ITPR2: variants seen among roughly 807,000 people sequenced by gnomAD.
ITPR2 encodes the protein inositol 1,4,5-trisphosphate receptor type 2.
Under a neutral mutation model 317.1 loss-of-function variants are expected in ITPR2, and 207 were observed. The ratio of observed to expected loss-of-function variants is 0.65; its 90% confidence interval spans 0.58 to 0.73. The LOEUF is 0.73. Among genes scored for constraint, ITPR2 ranks in the 30% least tolerant of loss-of-function variants. The pLI is 0.00. For synonymous variants in ITPR2, 1,156 were observed against 1,149.1 expected (o/e 1.01, Z -0.12); for missense variants, 2,613 against 3,284.0 (o/e 0.80, Z 4.99).
At chr12:26,462,619 C>A (rs1942064181) in intron 45 of ITPR2, among the ~76,000 whole-genome samples, 1 of 151,672 alleles carries the variant, frequency 6.6e-6, no homozygotes. Flanking sequence ...CTAGCTCATA[C>A]TTCCTCAACA....
Position 26,504,437 on chromosome 12 carries a change from C to G in ITPR2, c.5074-9177G>C, listed in dbSNP as rs374261032. Reference sequence around the variant, plus strand: ...AATCATTAAGAATCTTGTAGAAAAGCTGACAGAAGAACTGAACTGGCATTT... The same window carrying G: ...AATCATTAAGAATCTTGTAGAAAAGGTGACAGAAGAACTGAACTGGCATTT... On this transcript the variant is annotated intron_variant, in intron 37 of 56. Transcript: ENST00000381340. Among the ~76,000 whole-genome samples the G allele has an allele frequency of 5.9e-5, 9 of 152,082 alleles. 1 individual carries two copies. Among genetic ancestry groups the G allele is most frequent in the African/African-American group, 2.2e-4 (9 of 41,504 alleles).
chr12:26,527,633 A>G (rs1160720411), intron 37 of ITPR2, among the ~76,000 whole-genome samples: 3 of 152,230 alleles, frequency 2.0e-5, no homozygotes, highest in Non-Finnish European at 4.4e-5. Context: ...GGAGTAATGC[A>G]TAGTTTAGTG....
intron 52 of ITPR2, among the ~76,000 whole-genome samples, chr12:26,402,279 A>T (rs1002972054): frequency 1.3e-5 from 2 of 152,218 alleles, no homozygotes; most frequent in Non-Finnish European, 2.9e-5. Flanking sequence ...GGTCATGTGG[A>T]GCATGTCTAC....
At chr12:26,611,205 TACACA>T in intron 26 of ITPR2, among the ~76,000 whole-genome samples, 1 of 152,286 alleles carries the variant, frequency 6.6e-6, no homozygotes, top group Non-Finnish European at 1.5e-5. Flanking sequence ...CCAAAATCAG[TACACA>T]GCCCCTTGGA....
intron 10 of ITPR2, among the ~76,000 whole-genome samples, chr12:26,686,951 G>T (rs995362523): frequency 6.6e-6 from 1 of 152,076 alleles, no homozygotes; most frequent in Non-Finnish European, 1.5e-5. Context: ...CCATTCCACA[G>T]TTAAAACAAA....
intron 15 of ITPR2, among the ~76,000 whole-genome samples, chr12:26,659,917 C>CTT (rs1038512222): frequency 2.6e-5 from 4 of 152,172 alleles, no homozygotes; most frequent in African/African-American, 9.7e-5. Flanking sequence ...ATGTCATATA[C>CTT]TTTTTATCTT....
intron 37 of ITPR2, among the ~76,000 whole-genome samples, chr12:26,496,373 T>C (rs574047225): frequency 2.4e-4 from 37 of 152,336 alleles, no homozygotes; most frequent in African/African-American, 8.4e-4. Flanking sequence ...CACTTTCTCA[T>C]ATTTTGGCTA....
At chr12:26,816,551 C>A (rs12228214) in intron 1 of ITPR2, among the ~76,000 whole-genome samples, 1 of 152,166 alleles carries the variant, frequency 6.6e-6, no homozygotes, top group Non-Finnish European at 1.5e-5. Context: ...TGACAGACAT[C>A]GTGAAAGACC....
chr12:26,819,942 G>A (rs1325853775), intron 1 of ITPR2, among the ~76,000 whole-genome samples: 9 of 152,054 alleles, frequency 5.9e-5, no homozygotes, highest in South Asian at 2.1e-4. Context: ...ATGGTGGCAC[G>A]AGCCTGTAGT....
At chr12:26,504,609 G>A (rs1240419511) in intron 37 of ITPR2, among the ~76,000 whole-genome samples, 1 of 152,150 alleles carries the variant, frequency 6.6e-6, no homozygotes, top group African/African-American at 2.4e-5. Context: ...ATCAAGTGTT[G>A]AAGAGGACAT....
rs78520388 is a variant in ITPR2 at position 26,465,384 on chromosome 12, G to T, written c.6342+9912C>A. Among the ~76,000 whole-genome samples the T allele has an allele frequency of 1.6e-3, 239 of 152,326 alleles. 2 individuals carry two copies. The highest frequency in any genetic ancestry group is 5.6e-3 in the African/African-American group (231 of 41,584). On this transcript the variant is annotated intron_variant, in intron 45 of 56. Transcript: ENST00000381340. ...GTGGTTTAGGTGGAACGGTGAAAAT[G>T]AAAGCCTGGCAGAAATGGGTTAGAG...
intron 39 of ITPR2, 124 bp downstream of exon 39, chr12:26,494,029 G>T: frequency 1.7e-6 from 1 of 586,320 alleles, no homozygotes; most frequent in Non-Finnish European, 2.7e-6. Context: ...GTGATACATG[G>T]ATTTTTTTTT....
At chr12:26,681,343 C>T (rs748449658) in intron 13 of ITPR2, among the ~76,000 whole-genome samples, 19 of 152,196 alleles carry the variant, frequency 1.2e-4, no homozygotes, top group Non-Finnish European at 2.8e-4. Flanking sequence ...CAATATCATT[C>T]TCTTTCTTAC....
chr12:26,691,951 G>T (rs1948249341), intron 10 of ITPR2, among the ~76,000 whole-genome samples: 1 of 151,876 alleles, frequency 6.6e-6, no homozygotes, highest in South Asian at 2.1e-4. Flanking sequence ...CTCTTGCCGA[G>T]GTTCCTTAAC....
chr12:26,422,313 T>C (rs1940925172), intron 49 of ITPR2, among the ~76,000 whole-genome samples: 1 of 148,700 alleles, frequency 6.7e-6, no homozygotes, highest in Non-Finnish European at 1.5e-5. Context: ...ATAATAATAC[T>C]TTATTGAATA....
intron 37 of ITPR2, among the ~76,000 whole-genome samples, chr12:26,504,212 A>C (rs1943135409): frequency 6.6e-6 from 1 of 152,154 alleles, no homozygotes; most frequent in African/African-American, 2.4e-5. Context: ...AACACAAGAA[A>C]TGTATTAAGT....
chr12:26,640,059 C>T (rs915869966), intron 21 of ITPR2, among the ~76,000 whole-genome samples: 5 of 152,124 alleles, frequency 3.3e-5, no homozygotes, highest in African/African-American at 1.2e-4. Context: ...AACAATAAGC[C>T]TTATCATAGG....
intron 34 of ITPR2, among the ~76,000 whole-genome samples, chr12:26,563,553 T>TA (rs75872857): frequency 7.4e-4 from 106 of 142,640 alleles, no homozygotes; most frequent in Admixed American, 3.6e-3. Context: ...AGACTCCATC[T>TA]AAAAAAAAAA....
At chr12:26,651,325 C>T (rs1049067220) in intron 21 of ITPR2, among the ~76,000 whole-genome samples, 6 of 152,122 alleles carry the variant, frequency 3.9e-5, no homozygotes, top group African/African-American at 1.4e-4. Context: ...GTTCTCCTGC[C>T]TTTCTTCAGT....
Sources: allele counts gnomAD v4.1 joint callset (sites outside exome capture counted in the v4.1 genomes callset), GRCh38; gene constraint gnomAD v4.1.1; transcripts MANE v1.5; gene names NCBI Gene and HGNC (gene_info 2026-07-23, HGNC 2026-07-21).